Variants in TMEM245 observed in about 807,000 individuals in gnomAD.
TMEM245 encodes transmembrane protein 245.
TMEM245 carries 69 observed loss-of-function variants against 101.2 expected under a neutral mutation model. The observed-to-expected ratio is 0.68, with a 90% CI of 0.56 to 0.83. The LOEUF (loss-of-function observed/expected upper bound fraction) is 0.83, where lower values mean the gene tolerates loss of function less well. TMEM245 is among the 40% of genes least tolerant of loss of function. TMEM245 has a pLI of 0.00. For missense variants in TMEM245, 1,075 were observed against 1,092.8 expected (o/e 0.98, Z 0.23); for synonymous variants, 537 against 449.8 (o/e 1.19, Z -2.45).
chr9:109,095,907 G>A (rs1407108276), intron 3 of TMEM245, among the ~76,000 whole-genome samples: 2 of 152,108 alleles, frequency 1.3e-5, no homozygotes, highest in South Asian at 2.1e-4. Context: ...GAGACTAGAG[G>A]GGACCTATAA....
Position 109,108,443 on chromosome 9 carries a change from A to T in TMEM245, c.697+10T>A. 1 of 1,443,828 alleles carries T rather than the reference A, an allele frequency of 6.9e-7. No homozygotes were observed. Among genetic ancestry groups the T allele is most frequent in the South Asian group, 1.3e-5 (1 of 75,182 alleles). The allele number at this position is 1,443,828 out of a possible 1,614,324, so 89.4% of individuals were successfully genotyped here. ...CTTAAAAAAAAAAAAAAAAAAAAGA[A>T]GGAACCCACCTAAATGAAAAAGCAA... On this transcript the variant is annotated intron_variant, in intron 2 of 17. Coordinates refer to ENST00000374586, the MANE Select transcript of TMEM245 (RefSeq NM_032012.4).
chr9:109,091,016 A>G lies in TMEM245; in HGVS notation c.1056T>C (p.Ser352=). ...AAACTAGAGACACAAAGTAGATGTCACTAGTTTTCTTCTTTCTAAGAAACG... is the reference window on the plus strand; with the variant it reads ...AAACTAGAGACACAAAGTAGATGTCGCTAGTTTTCTTCTTTCTAAGAAACG... ...IGTFLRKKKT[S]DIYFVSLVWA... is the part of the protein sequence containing the mutation. The change falls in exon 5 of 18, where the codon AGT becomes AGC. Residue 352 remains serine, a synonymous_variant. Transcript: ENST00000374586. 6.2e-7 allele frequency: 1 copy of G among 1,614,202 alleles called. No individual in the cohort carries two copies. The highest frequency in any genetic ancestry group is 8.5e-7 in the Non-Finnish European group (1 of 1,180,036).
chr9:109,034,503 G>A (rs1232148643), intron 16 of TMEM245, among the ~76,000 whole-genome samples: 1 of 152,172 alleles, frequency 6.6e-6, no homozygotes, highest in African/African-American at 2.4e-5. Flanking sequence ...CTGGAATGCA[G>A]TGCCGCAATC....
chr9:109,066,262 T>C (rs1829160461), intron 9 of TMEM245, among the ~76,000 whole-genome samples: 2 of 151,972 alleles, frequency 1.3e-5, no homozygotes, highest in South Asian at 4.1e-4. Flanking sequence ...AAGACCAGCC[T>C]GGCCAACAAG....
rs1003714512 is a variant in TMEM245 at position 109,016,554 on chromosome 9, C to T, written c.*3906G>A. The T allele has an allele frequency of 2.6e-5, 4 of 152,090 alleles. No homozygotes were observed. The highest frequency in any genetic ancestry group is 1.3e-4 in the Admixed American group (2 of 15,266). The allele number at this position is 152,090 out of a possible 1,614,324, so 9.4% of individuals were successfully genotyped here. On this transcript the variant is annotated 3_prime_UTR_variant, in exon 18 of 18. Coordinates refer to ENST00000374586, the MANE Select transcript of TMEM245 (RefSeq NM_032012.4). The stretch of plus-strand genomic sequence containing the variant: ...ACAGGACCACCTAATTTTAGAAGTC[C>T]CATTCTAGCACAGAATTTCTGACTC...
At chr9:109,030,382 T>C (rs1827910789) in intron 17 of TMEM245, among the ~76,000 whole-genome samples, 1 of 152,212 alleles carries the variant, frequency 6.6e-6, no homozygotes, top group Non-Finnish European at 1.5e-5. Context: ...CATAAGCATT[T>C]TGTACTTTTA....
At chr9:109,115,522 CTTTTTTTTTTTTTT>C (rs752894720) in intron 1 of TMEM245, among the ~76,000 whole-genome samples, 1 of 67,194 alleles carries the variant, frequency 1.5e-5, no homozygotes, top group African/African-American at 6.2e-5. Context: ...TAACTGGAAT[CTTTTTTTTTTTTTT>C]TTTTTTTTTT....
chr9:109,043,825 T>C (rs1226079909), intron 14 of TMEM245, among the ~76,000 whole-genome samples: 2 of 152,132 alleles, frequency 1.3e-5, no homozygotes, highest in African/African-American at 2.4e-5. Flanking sequence ...AGGATTCCTG[T>C]CCATTGGAAG....
At chr9:109,055,823 G>A (rs769090808) in intron 12 of TMEM245, among the ~76,000 whole-genome samples, 68 of 151,998 alleles carry the variant, frequency 4.5e-4, no homozygotes, top group Middle Eastern at 3.4e-3. Context: ...TAGTAGAGAC[G>A]GGGTTTCTCC....
At chr9:109,095,082 T>C (rs1166384891) in intron 3 of TMEM245, among the ~76,000 whole-genome samples, 3 of 152,208 alleles carry the variant, frequency 2.0e-5, no homozygotes, top group Non-Finnish European at 2.9e-5. Flanking sequence ...CCCTGTGACC[T>C]GAAAGAGTTC....
intron 9 of TMEM245, among the ~76,000 whole-genome samples, chr9:109,066,126 G>A (rs1829157369): frequency 6.6e-6 from 1 of 152,150 alleles, no homozygotes; most frequent in Non-Finnish European, 1.5e-5. Context: ...AAGTATCTGT[G>A]AAACTTCTTG....
intron 12 of TMEM245, among the ~76,000 whole-genome samples, chr9:109,055,767 T>C (rs1378556470): frequency 6.6e-6 from 1 of 152,128 alleles, no homozygotes; most frequent in African/African-American, 2.4e-5. Flanking sequence ...CCCGAGTATC[T>C]GGGATTACAG....
At chr9:109,084,385 G>C (rs934134105) in intron 7 of TMEM245, among the ~76,000 whole-genome samples, 1 of 151,898 alleles carries the variant, frequency 6.6e-6, no homozygotes, top group African/African-American at 2.4e-5. Flanking sequence ...ATCATCAAAG[G>C]AAAGAAAAAA....
chr9:109,101,003 T>C (rs1830268746), intron 3 of TMEM245, among the ~76,000 whole-genome samples: 2 of 151,028 alleles, frequency 1.3e-5, no homozygotes. Flanking sequence ...ACAAGAAGAG[T>C]TTTCTGAGGC....
chr9:109,067,004 C>T (rs1395510014), intron 9 of TMEM245, among the ~76,000 whole-genome samples: 6 of 147,324 alleles, frequency 4.1e-5, no homozygotes, highest in East Asian at 2.0e-4. Flanking sequence ...TGCAGTGAGC[C>T]GAGATCATGC....
intron 1 of TMEM245, 113 bp downstream of exon 1, chr9:109,119,222 C>T (rs1010391973): frequency 5.0e-6 from 5 of 1,005,226 alleles, no homozygotes; most frequent in East Asian, 6.3e-5. Flanking sequence ...ACGGTCACTG[C>T]AGCACAGGTG....
chr9:109,118,734 C>G (rs980974941), intron 1 of TMEM245, among the ~76,000 whole-genome samples: 2 of 152,242 alleles, frequency 1.3e-5, no homozygotes, highest in Admixed American at 6.5e-5. Flanking sequence ...ACAGGCAGCT[C>G]AGCACCCAGT....
chr9:109,112,870 G>A (rs528031672), intron 1 of TMEM245, among the ~76,000 whole-genome samples: 43 of 152,304 alleles, frequency 2.8e-4, no homozygotes, highest in Non-Finnish European at 2.4e-4. Flanking sequence ...GAGGTCAGGA[G>A]TTCAAGACTA....
At chr9:109,114,803 T>C (rs898177076) in intron 1 of TMEM245, among the ~76,000 whole-genome samples, 1 of 152,156 alleles carries the variant, frequency 6.6e-6, no homozygotes, top group Non-Finnish European at 1.5e-5. Flanking sequence ...AGCTCCACCA[T>C]GGGAAGATGC....
Sources: allele counts gnomAD v4.1 joint callset (sites outside exome capture counted in the v4.1 genomes callset), GRCh38; gene constraint gnomAD v4.1.1; transcripts MANE v1.5; gene names NCBI Gene and HGNC (gene_info 2026-07-23, HGNC 2026-07-21).